The following CNTN5 variants were observed in gnomAD, a reference collection of about 807,000 sequenced individuals.
CNTN5 encodes the protein contactin 5.
A neutral mutation model predicts 129.1 loss-of-function variants in CNTN5; 77 were observed. The observed-to-expected ratio is 0.60, with a 90% confidence interval of 0.50 to 0.72. The LOEUF (loss-of-function observed/expected upper bound fraction) is 0.72, where lower values mean the gene tolerates loss of function less well. CNTN5 is among the 30% of genes least tolerant of loss of function. The probability of loss-of-function intolerance (pLI) is 0.00; values close to 1 mark genes in which losing one functional copy is unlikely to be tolerated. For missense variants in CNTN5, 1,478 were observed against 1,328.8 expected, an observed-to-expected ratio of 1.11 and a Z score of -1.75; for synonymous variants, 509 against 465.6, an observed-to-expected ratio of 1.09 and a Z score of -1.20.
intron 13 of CNTN5, among the ~76,000 whole-genome samples, chr11:100,156,301 C>T (rs1240594741): frequency 6.6e-6 from 1 of 151,960 alleles, no homozygotes; most frequent in East Asian, 1.9e-4. Context: ...TGATGGATTA[C>T]GTTTATTGAT....
At chr11:99,426,388 G>A (rs749326966) in intron 2 of CNTN5, among the ~76,000 whole-genome samples, 6 of 152,126 alleles carry the variant, frequency 3.9e-5, no homozygotes, top group Non-Finnish European at 7.4e-5. Flanking sequence ...TTTTAGAAAG[G>A]AGACTCACTT....
chr11:99,751,650 G>A (rs934324415), intron 3 of CNTN5, among the ~76,000 whole-genome samples: 4 of 152,134 alleles, frequency 2.6e-5, no homozygotes, highest in African/African-American at 9.7e-5. Context: ...ATCTGGACAT[G>A]TTATTTGCTC....
chr11:99,619,752 C>T (rs534868163), intron 3 of CNTN5, among the ~76,000 whole-genome samples: 1 of 152,132 alleles, frequency 6.6e-6, no homozygotes, highest in African/African-American at 2.4e-5. Flanking sequence ...AGCTGTCGGG[C>T]GTGGTGGCTC....
chr11:99,232,897 G>T (rs1459974929), intron 1 of CNTN5, among the ~76,000 whole-genome samples: 1 of 152,028 alleles, frequency 6.6e-6, no homozygotes, highest in Non-Finnish European at 1.5e-5. Flanking sequence ...GTCAATTTTT[G>T]TTTCTATGAT....
chr11:99,182,721 C>T (rs1176659188), intron 1 of CNTN5, among the ~76,000 whole-genome samples: 1 of 152,098 alleles, frequency 6.6e-6, no homozygotes, highest in East Asian at 1.9e-4. Context: ...ACTCGGGCTC[C>T]TTTATTTAGT....
At chr11:100,258,952 C>G (rs1307942703) in intron 17 of CNTN5, among the ~76,000 whole-genome samples, 7 of 152,134 alleles carry the variant, frequency 4.6e-5, no homozygotes, top group Non-Finnish European at 8.8e-5. Context: ...ACAATATTAA[C>G]CTTAAATATA....
intron 1 of CNTN5, among the ~76,000 whole-genome samples, chr11:99,305,781 G>T (rs1864846253): frequency 6.6e-6 from 1 of 151,862 alleles, no homozygotes; most frequent in Non-Finnish European, 1.5e-5. Context: ...GGGAGTTCGG[G>T]ACCAGCCTGA....
At chr11:99,980,597 G>A (rs1938270615) in intron 8 of CNTN5, among the ~76,000 whole-genome samples, 1 of 152,062 alleles carries the variant, frequency 6.6e-6, no homozygotes, top group Admixed American at 6.6e-5. Context: ...CTTCTTTTTT[G>A]AAGAAGAAAA....
chr11:99,041,659 A>G (rs1489237671), intron 1 of CNTN5, among the ~76,000 whole-genome samples: 2 of 152,214 alleles, frequency 1.3e-5, no homozygotes, highest in Admixed American at 1.3e-4. Flanking sequence ...ATTTACTACA[A>G]TAATAAGTAG....
At chr11:99,492,126 C>A (rs1022926738) in intron 2 of CNTN5, among the ~76,000 whole-genome samples, 3 of 152,070 alleles carry the variant, frequency 2.0e-5, no homozygotes, top group Non-Finnish European at 2.9e-5. Flanking sequence ...CTATTCCTGC[C>A]AACAAAGATA....
chr11:100,126,345 T>G (rs1397088725), intron 13 of CNTN5, among the ~76,000 whole-genome samples: 2 of 152,152 alleles, frequency 1.3e-5, no homozygotes, highest in East Asian at 1.9e-4. Context: ...CAGAATTCAC[T>G]TGTTAATTTT....
At chr11:99,903,317 G>A (rs995482105) in intron 6 of CNTN5, among the ~76,000 whole-genome samples, 1 of 151,350 alleles carries the variant, frequency 6.6e-6, no homozygotes, top group Non-Finnish European at 1.5e-5. Context: ...AACCAAAACC[G>A]TAACCATAGT....
chr11:100,106,684 A>G (rs900712487), intron 13 of CNTN5, among the ~76,000 whole-genome samples: 3 of 152,140 alleles, frequency 2.0e-5, no homozygotes, highest in African/African-American at 7.2e-5. Context: ...AATGAAATAC[A>G]TTTGTTTGGA....
At chr11:99,809,676 T>A (rs952141599) in intron 3 of CNTN5, among the ~76,000 whole-genome samples, 1 of 151,856 alleles carries the variant, frequency 6.6e-6, no homozygotes, top group Non-Finnish European at 1.5e-5. Context: ...ATGAAACACA[T>A]GTTTATTTTT....
At chr11:99,599,967 A>G (rs1036053552) in intron 3 of CNTN5, among the ~76,000 whole-genome samples, 10 of 152,168 alleles carry the variant, frequency 6.6e-5, no homozygotes, top group African/African-American at 2.4e-4. Flanking sequence ...TAAAGAGAAA[A>G]AAACCTTTCC....
intron 8 of CNTN5, among the ~76,000 whole-genome samples, chr11:99,995,841 C>T (rs1429096244): frequency 1.3e-5 from 2 of 152,120 alleles, no homozygotes; most frequent in Non-Finnish European, 2.9e-5. Flanking sequence ...ATCCACCAGG[C>T]CTCAGCTATT....
chr11:99,086,242 T>C (rs1446768139), intron 1 of CNTN5, among the ~76,000 whole-genome samples: 2 of 152,160 alleles, frequency 1.3e-5, no homozygotes, highest in African/African-American at 4.8e-5. Context: ...CTGAACAGGG[T>C]GCCATTCCAT....
At chr11:99,357,882 T>C (rs1938792068) in intron 2 of CNTN5, among the ~76,000 whole-genome samples, 1 of 151,104 alleles carries the variant, frequency 6.6e-6, no homozygotes, top group African/African-American at 2.4e-5. Context: ...TTTCAACCTG[T>C]AGTCCCAGCT....
At chr11:99,933,776 A>G (rs1490554734) in intron 7 of CNTN5, among the ~76,000 whole-genome samples, 1 of 152,224 alleles carries the variant, frequency 6.6e-6, no homozygotes, top group Non-Finnish European at 1.5e-5. Context: ...TCTGCACCAA[A>G]CCTAATGCTT....
Sources: gnomAD v4.1 joint callset for allele counts (sites outside exome capture counted in the v4.1 genomes callset) on GRCh38, gnomAD v4.1.1 for gene constraint, MANE v1.5 for transcripts, NCBI Gene and HGNC (gene_info 2026-07-23, HGNC 2026-07-21) for gene names.